The following FRY variants were observed in gnomAD, a reference collection of about 807,000 sequenced individuals.
The protein encoded by FRY is FRY microtubule binding protein, also known as protein furry homolog.
In FRY, 128 loss-of-function variants were observed where a neutral mutation model predicts 348.4. That is an observed-to-expected ratio of 0.37 (90% CI 0.32 to 0.43). FRY has a LOEUF of 0.43. FRY is among the 20% of genes least tolerant of loss of function. The pLI is 1.00. For missense variants in FRY, 2,736 were observed against 3,695.2 expected (o/e 0.74, Z 6.73); for synonymous variants, 1,370 against 1,374.7 (o/e 1.00, Z 0.08).
At chr13:32,133,446 AT>A (rs2138765659) in intron 8 of FRY, among the ~76,000 whole-genome samples, 1 of 152,322 alleles carries the variant, frequency 6.6e-6, no homozygotes, top group South Asian at 2.1e-4. Flanking sequence ...CCACTCTCAT[AT>A]TAATAATTCC....
intron 52 of FRY, 51 bp downstream of exon 52, chr13:32,261,867 C>G: frequency 1.3e-6 from 2 of 1,515,480 alleles, no homozygotes; most frequent in South Asian, 2.3e-5. Context: ...TTTTTTGTAA[C>G]TAATGCAGGA....
At position 32,104,920 on chromosome 13, in the gene FRY, C is replaced by T. The variant is rs116440186; in HGVS notation, c.324+2904C>T. On this transcript the variant is annotated intron_variant, in intron 3 of 60. Coordinates refer to ENST00000542859, the MANE Select transcript of FRY (RefSeq NM_023037.3). Reference sequence around the variant, plus strand: ...TCACCCCTGTGCCATGATTGTGCAGCCTCCCAGCCATGCAGAACCGTGAGC... The same window carrying T: ...TCACCCCTGTGCCATGATTGTGCAGTCTCCCAGCCATGCAGAACCGTGAGC... 4.3e-3 allele frequency among the ~76,000 whole-genome samples: 652 copies of T among 152,282 alleles called. 6 individuals carry two copies. The highest frequency in any genetic ancestry group is 0.015 in the African/African-American group (624 of 41,556).
chr13:32,133,546 T>C (rs1879501500), intron 8 of FRY, among the ~76,000 whole-genome samples: 2 of 152,174 alleles, frequency 1.3e-5, no homozygotes, highest in South Asian at 4.1e-4. Context: ...CTGGGAACTA[T>C]AGAGCTCATC....
chr13:32,086,986 G>A (rs1440500884), intron 2 of FRY, among the ~76,000 whole-genome samples: 5 of 152,210 alleles, frequency 3.3e-5, no homozygotes, highest in Non-Finnish European at 1.5e-5. Flanking sequence ...AGGAGCACAG[G>A]TGTGGGCTGA....
chr13:32,086,891 CTT>C (rs1424306506), intron 2 of FRY, among the ~76,000 whole-genome samples: 1 of 152,104 alleles, frequency 6.6e-6, no homozygotes, highest in Non-Finnish European at 1.5e-5. Context: ...ATTGAGGTTG[CTT>C]GAGCCTTAGT....
At chr13:32,067,055 G>A (rs1042641037) in intron 1 of FRY, among the ~76,000 whole-genome samples, 6 of 152,330 alleles carry the variant, frequency 3.9e-5, no homozygotes, top group Admixed American at 3.3e-4. Context: ...TGAGGACTCT[G>A]CAGTTCCTTG....
At chr13:32,193,102 T>C (rs969067304) in intron 28 of FRY, among the ~76,000 whole-genome samples, 4 of 151,126 alleles carry the variant, frequency 2.6e-5, no homozygotes, top group African/African-American at 9.8e-5. Context: ...AGGCTTCTCC[T>C]GGACAAATGT....
At chr13:32,164,323 A>G (rs1322812322) in intron 17 of FRY, among the ~76,000 whole-genome samples, 2 of 152,114 alleles carry the variant, frequency 1.3e-5, no homozygotes, top group Admixed American at 6.5e-5. Context: ...TCCGTGGTAC[A>G]CTTTTTATTT....
chr13:32,225,261 C>T (rs1327559325), intron 38 of FRY, among the ~76,000 whole-genome samples: 1 of 152,232 alleles, frequency 6.6e-6, no homozygotes, highest in Non-Finnish European at 1.5e-5. Context: ...TGGTTTCTCA[C>T]TAGTGCCACA....
chr13:32,138,600 C>T (rs555807503), intron 11 of FRY, among the ~76,000 whole-genome samples: 4 of 152,140 alleles, frequency 2.6e-5, no homozygotes, highest in South Asian at 4.2e-4. Flanking sequence ...GACAGTATAT[C>T]CCTGTGCAAA....
In FRY at chr13:32,116,242, A is replaced by G. The variant is rs371230354; in HGVS notation, c.325-1092A>G. The stretch of plus-strand genomic sequence containing the variant: ...GATGTTATGCCTGTTTTTTTCTATC[A>G]GCGGTATATGAATATATCCACTTTA... On this transcript the variant is annotated intron_variant, in intron 3 of 60. Coordinates refer to ENST00000542859, the MANE Select transcript of FRY (RefSeq NM_023037.3). Among the ~76,000 whole-genome samples the G allele has an allele frequency of 1.2e-4, 18 of 152,190 alleles. 1 individual carries two copies. The highest frequency in any genetic ancestry group is 4.3e-4 in the African/African-American group (18 of 41,530).
chr13:32,242,462 A>G (rs1886564578), intron 46 of FRY, among the ~76,000 whole-genome samples: 1 of 152,006 alleles, frequency 6.6e-6, no homozygotes, highest in South Asian at 2.1e-4. Flanking sequence ...TATTTTATGT[A>G]TTTTCTTTCT....
chr13:32,227,751 GTT>G (rs200389438), intron 39 of FRY, among the ~76,000 whole-genome samples: 6 of 135,812 alleles, frequency 4.4e-5, no homozygotes, highest in East Asian at 4.3e-4. Flanking sequence ...ATTTCACATG[GTT>G]TTTTTTTTTT....
intron 8 of FRY, among the ~76,000 whole-genome samples, chr13:32,133,748 T>TTTTC (rs200373890): frequency 1.2e-4 from 18 of 144,014 alleles, no homozygotes; most frequent in South Asian, 4.5e-4. Context: ...GGACTCTTTC[T>TTTTC]TTTCTTTCTT....
chr13:32,167,580 T>A (rs1351091364), intron 17 of FRY, among the ~76,000 whole-genome samples: 2 of 152,176 alleles, frequency 1.3e-5, no homozygotes, highest in Non-Finnish European at 2.9e-5. Context: ...CATTTCCAAA[T>A]AAGGTCACAT....
chr13:32,153,133 A>G (rs1880904799), intron 14 of FRY, among the ~76,000 whole-genome samples: 1 of 152,190 alleles, frequency 6.6e-6, no homozygotes, highest in East Asian at 1.9e-4. Flanking sequence ...CTTTAGAAAA[A>G]TTTGGCAATT....
chr13:32,078,118 A>C (rs1875222812), intron 1 of FRY, among the ~76,000 whole-genome samples: 1 of 152,234 alleles, frequency 6.6e-6, no homozygotes, highest in African/African-American at 2.4e-5. Flanking sequence ...TGCATTCTGA[A>C]CAGAGGCCAC....
chr13:32,222,560 G>T (rs1241297737), intron 36 of FRY, among the ~76,000 whole-genome samples: 1 of 152,176 alleles, frequency 6.6e-6, no homozygotes, highest in Non-Finnish European at 1.5e-5. Flanking sequence ...AAGGATGGAA[G>T]CAGTGAGACA....
chr13:32,090,768 A>T (rs1448089358), intron 2 of FRY, among the ~76,000 whole-genome samples: 1 of 152,112 alleles, frequency 6.6e-6, no homozygotes, highest in Non-Finnish European at 1.5e-5. Context: ...TTCAATTAAA[A>T]TGAAGATTAA....
Sources: gnomAD v4.1 joint callset for allele counts (sites outside exome capture counted in the v4.1 genomes callset) on GRCh38, gnomAD v4.1.1 for gene constraint, MANE v1.5 for transcripts, NCBI Gene and HGNC (gene_info 2026-07-23, HGNC 2026-07-21) for gene names.